The following GALNT10 variants were observed in gnomAD, a reference collection of about 807,000 sequenced individuals.
GALNT10 encodes polypeptide N-acetylgalactosaminyltransferase 10, also known as GalNAc transferase 10.
A neutral mutation model predicts 75.0 loss-of-function variants in GALNT10; 41 were observed. The observed-to-expected ratio is 0.55, with a 90% confidence interval of 0.43 to 0.71. The LOEUF (loss-of-function observed/expected upper bound fraction) is 0.71. Ranked by LOEUF, GALNT10 falls within the 30% of genes least tolerant of loss-of-function variation. The pLI is 0.00. For synonymous variants in GALNT10, 302 were observed against 313.0 expected, an observed-to-expected ratio of 0.96 and a Z score of 0.37; for missense variants, 727 against 818.5, an observed-to-expected ratio of 0.89 and a Z score of 1.36.
intron 8 of GALNT10, among the ~76,000 whole-genome samples, chr5:154,406,447 G>A (rs867845919): frequency 2.0e-5 from 3 of 152,136 alleles, no homozygotes; most frequent in African/African-American, 4.8e-5. Flanking sequence ...AATCAGGTGC[G>A]GCCTTTTATT....
chr5:154,419,044 G>A lies in GALNT10; in HGVS notation c.*2072G>A, dbSNP rs1189108907. 1 of 152,432 alleles carries A rather than the reference G, an allele frequency of 6.6e-6. No homozygotes were observed. Among genetic ancestry groups the A allele is most frequent in the Non-Finnish European group, 1.5e-5 (1 of 68,030 alleles). 9.4% of individuals were successfully genotyped at this position (152,432 alleles called of 1,614,324 possible). A position where few individuals can be genotyped will look rare whatever the true frequency, so the allele number is the denominator to read the frequency against. ...ATCCCTAAACTTGAACCATTTCCTA[G>A]TGCCTTGCTAGACAAACATAAAGGG... On this transcript the variant is annotated 3_prime_UTR_variant, in exon 12 of 12. Transcript: ENST00000297107.
chr5:154,279,208 C>T (rs1224900882), intron 1 of GALNT10, among the ~76,000 whole-genome samples: 1 of 152,042 alleles, frequency 6.6e-6, no homozygotes, highest in African/African-American at 2.4e-5. Context: ...CTCACTAACA[C>T]TTGTTGTTTT....
chr5:154,329,405 G>A, intron 3 of GALNT10, 167 bp from the exon 4 acceptor site: 3 of 608,684 alleles, frequency 4.9e-6, no homozygotes, highest in African/African-American at 3.7e-5. Flanking sequence ...AGGACTTTGG[G>A]ATGTCATGTA....
At chr5:154,397,816 T>C (rs1756079586) in intron 7 of GALNT10, among the ~76,000 whole-genome samples, 1 of 152,204 alleles carries the variant, frequency 6.6e-6, no homozygotes. Flanking sequence ...AGGCAGCCAT[T>C]TCCTCAACAG....
At chr5:154,273,137 C>A (rs573791196) in intron 1 of GALNT10, among the ~76,000 whole-genome samples, 24 of 152,262 alleles carry the variant, frequency 1.6e-4, no homozygotes, top group Middle Eastern at 6.8e-3. Flanking sequence ...CAGAGAAGAA[C>A]CTAAGCTGTT....
chr5:154,269,688 T>C (rs901663524), intron 1 of GALNT10, among the ~76,000 whole-genome samples: 7 of 151,882 alleles, frequency 4.6e-5, no homozygotes, highest in Non-Finnish European at 4.4e-5. Flanking sequence ...CCTCTAACAG[T>C]GAGTGGTTAT....
intron 4 of GALNT10, among the ~76,000 whole-genome samples, chr5:154,358,320 T>C (rs1755328412): frequency 7.5e-6 from 1 of 132,914 alleles, no homozygotes; most frequent in South Asian, 2.6e-4. Context: ...CCATTTCTCC[T>C]GGCTTAGAGT....
At chr5:154,405,029 G>A (rs1248344635) in intron 8 of GALNT10, among the ~76,000 whole-genome samples, 1 of 152,136 alleles carries the variant, frequency 6.6e-6, no homozygotes, top group Non-Finnish European at 1.5e-5. Flanking sequence ...TGAAGAGGAG[G>A]GAGGGTCCCC....
chr5:154,401,716 T>C (rs2113208674), intron 7 of GALNT10, among the ~76,000 whole-genome samples: 1 of 152,098 alleles, frequency 6.6e-6, no homozygotes, highest in Middle Eastern at 3.4e-3. Flanking sequence ...CCAGAGTACA[T>C]CAGGGCTGGG....
chr5:154,272,691 G>A (rs1753884888), intron 1 of GALNT10, among the ~76,000 whole-genome samples: 1 of 152,130 alleles, frequency 6.6e-6, no homozygotes. Flanking sequence ...TATAAAATAG[G>A]AACGATAATA....
rs150203806 is a variant in GALNT10 at position 154,221,169 on chromosome 5, C to T, written c.159+30144C>T. 1.3e-3 allele frequency among the ~76,000 whole-genome samples: 196 copies of T among 152,286 alleles called. 1 individual carries two copies. The highest frequency in any genetic ancestry group is 4.5e-3 in the African/African-American group (185 of 41,548). On this transcript the variant is annotated intron_variant, in intron 1 of 11. Transcript: ENST00000297107. The stretch of plus-strand genomic sequence containing the variant: ...GGAGGTTAAGGGACTTCTAGATAGA[C>T]GCACTCTTATAATATAAGGTAATGT...
chr5:154,401,584 C>T (rs950775583), intron 7 of GALNT10, among the ~76,000 whole-genome samples: 3 of 152,156 alleles, frequency 2.0e-5, no homozygotes, highest in East Asian at 1.9e-4. Context: ...ATCTCGAGAC[C>T]AATGTTCTGT....
At chr5:154,207,579 G>T (rs569556816) in intron 1 of GALNT10, among the ~76,000 whole-genome samples, 1 of 152,166 alleles carries the variant, frequency 6.6e-6, no homozygotes, top group Admixed American at 6.5e-5. Context: ...CAGTGGACCC[G>T]GACGGGCAGG....
At chr5:154,227,451 CT>C (rs1192411905) in intron 1 of GALNT10, among the ~76,000 whole-genome samples, 8 of 151,958 alleles carry the variant, frequency 5.3e-5, no homozygotes, top group Non-Finnish European at 1.2e-4. Flanking sequence ...CTCTGTACAT[CT>C]TTTTTTTGTT....
intron 6 of GALNT10, among the ~76,000 whole-genome samples, chr5:154,383,275 A>C (rs1219663964): frequency 6.6e-6 from 1 of 152,186 alleles, no homozygotes; most frequent in Non-Finnish European, 1.5e-5. Context: ...GTGCCCAGCA[A>C]GTGGGCAATC....
intron 4 of GALNT10, among the ~76,000 whole-genome samples, chr5:154,344,902 G>A (rs1172672850): frequency 1.3e-5 from 2 of 152,134 alleles, no homozygotes; most frequent in African/African-American, 2.4e-5. Flanking sequence ...CCTTCAGGGA[G>A]CACCTATTGC....
intron 1 of GALNT10, among the ~76,000 whole-genome samples, chr5:154,237,872 C>T (rs1753270765): frequency 1.3e-5 from 2 of 152,144 alleles, no homozygotes; most frequent in African/African-American, 4.8e-5. Flanking sequence ...TGGTGAAGGT[C>T]GCGCCTGCTA....
chr5:154,319,111 C>T (rs1412335193), intron 3 of GALNT10, among the ~76,000 whole-genome samples: 1 of 152,236 alleles, frequency 6.6e-6, no homozygotes, highest in Non-Finnish European at 1.5e-5. Context: ...ATCACTCTGC[C>T]TGGTCCTGAC....
intron 4 of GALNT10, among the ~76,000 whole-genome samples, chr5:154,366,335 T>C (rs1318735889): frequency 6.6e-6 from 1 of 152,166 alleles, no homozygotes; most frequent in East Asian, 1.9e-4. Context: ...TATTTTAAGG[T>C]ATTAAAGGGT....
Sources: allele counts gnomAD v4.1 joint callset (sites outside exome capture counted in the v4.1 genomes callset), GRCh38; gene constraint gnomAD v4.1.1; transcripts MANE v1.5; gene names NCBI Gene and HGNC (gene_info 2026-07-23, HGNC 2026-07-21).